The following DDI2 variants were observed in gnomAD, a reference collection of about 807,000 sequenced individuals.
DDI2 encodes protein DDI1 homolog 2.
A neutral mutation model predicts 48.1 loss-of-function variants in DDI2; 5 were observed. The ratio of observed to expected loss-of-function variants is 0.10; its 90% confidence interval spans 0.05 to 0.22. DDI2 has a LOEUF of 0.22. Ranked by LOEUF, DDI2 falls within the 10% of genes least tolerant of loss-of-function variation. The pLI, the probability that DDI2 is intolerant of heterozygous loss-of-function variation, is 1.00. For synonymous variants in DDI2, 205 were observed against 183.6 expected, an observed-to-expected ratio of 1.12 and a Z score of -0.94; for missense variants, 285 against 506.2, an observed-to-expected ratio of 0.56 and a Z score of 4.19.
intron 9 of DDI2, among the ~76,000 whole-genome samples, chr1:15,658,694 C>T (rs1013151962): frequency 2.0e-5 from 3 of 150,674 alleles, no homozygotes; most frequent in Non-Finnish European, 4.4e-5. Context: ...GCGGAGGTTG[C>T]GGTGAGCTCA....
At chr1:15,632,175 A>C (rs1366193410) in intron 3 of DDI2, among the ~76,000 whole-genome samples, 1 of 152,198 alleles carries the variant, frequency 6.6e-6, no homozygotes, top group Non-Finnish European at 1.5e-5. Flanking sequence ...AGTTCAGATA[A>C]CCATTGTCAT....
chr1:15,651,130 G>A (rs1162246153), intron 7 of DDI2, among the ~76,000 whole-genome samples: 1 of 152,180 alleles, frequency 6.6e-6, no homozygotes, highest in African/African-American at 2.4e-5. Context: ...CGGGATTACA[G>A]GCGTGAGCCA....
chr1:15,643,976 G>A (rs1406370347), intron 6 of DDI2, among the ~76,000 whole-genome samples: 1 of 152,112 alleles, frequency 6.6e-6, no homozygotes, highest in Admixed American at 6.5e-5. Context: ...TTATTTTGCT[G>A]TTTACTCATA....
intron 9 of DDI2, among the ~76,000 whole-genome samples, chr1:15,659,340 A>G (rs972219459): frequency 5.9e-5 from 9 of 152,252 alleles, no homozygotes; most frequent in Non-Finnish European, 1.2e-4. Flanking sequence ...AAAGATTCTC[A>G]GGATTTGTAA....
At chr1:15,644,263 A>G (rs933581075) in intron 6 of DDI2, among the ~76,000 whole-genome samples, 5 of 152,314 alleles carry the variant, frequency 3.3e-5, no homozygotes, top group Admixed American at 2.0e-4. Context: ...ACTGAGTCCT[A>G]CAGATTCCTT....
chr1:15,647,331 A>G (rs1640107991), intron 6 of DDI2, among the ~76,000 whole-genome samples: 2 of 151,944 alleles, frequency 1.3e-5, no homozygotes, highest in South Asian at 2.1e-4. Context: ...GATTTTTAGT[A>G]GAGACAGGGT....
At chr1:15,641,573 C>T (rs942886979) in intron 5 of DDI2, among the ~76,000 whole-genome samples, 2 of 152,050 alleles carry the variant, frequency 1.3e-5, no homozygotes, top group African/African-American at 4.8e-5. Context: ...CTTTAAATTA[C>T]GCATCCACGG....
chr1:15,628,454 T>G (rs1217669949), intron 2 of DDI2, among the ~76,000 whole-genome samples: 1 of 152,212 alleles, frequency 6.6e-6, no homozygotes, highest in East Asian at 1.9e-4. Context: ...AGTTTGTTTG[T>G]TTTTTGATTT....
In DDI2 at chr1:15,651,846, T is replaced by C. The variant is rs775420935; in HGVS notation, c.1134T>C (p.Ile378=). The stretch of plus-strand genomic sequence containing the variant: ...GAGAGGATGTACGGCCAGAGGAGAT[T>C]GCAGACCAAGAATTAGCAGAAGCCC... ...AGREDVRPEE[I]ADQELAEALQ... is the part of the protein sequence containing the mutation. The change falls in exon 8 of 10, where the codon ATT becomes ATC. Residue 378 remains isoleucine (I), a synonymous_variant. Transcript: ENST00000480945. The C allele has an allele frequency of 6.2e-7, 1 of 1,613,808 alleles. No individual in the cohort carries two copies. The highest frequency in any genetic ancestry group is 1.3e-5 in the African/African-American group (1 of 74,974).
chr1:15,633,031 C>T (rs1269597167), intron 3 of DDI2, among the ~76,000 whole-genome samples: 1 of 151,444 alleles, frequency 6.6e-6, no homozygotes, highest in Admixed American at 6.6e-5. Context: ...AGGCCATCCC[C>T]CCACCCTTGA....
At chr1:15,623,694 A>G (rs1639706922) in intron 1 of DDI2, among the ~76,000 whole-genome samples, 1 of 151,862 alleles carries the variant, frequency 6.6e-6, no homozygotes, top group African/African-American at 2.4e-5. Context: ...GAGCCATGGC[A>G]CCCAGCCTGC....
In DDI2 at chr1:15,661,361, C is replaced by T. The variant is rs565993119; in HGVS notation, c.*1571C>T. ...GTAGAAATTTCACCCAAACTTTTAG[C>T]AGGTGAGGAGGATGCACTCAATCAG... On this transcript the variant is annotated 3_prime_UTR_variant, in exon 10 of 10. Transcript: ENST00000480945. The T allele has an allele frequency of 6.2e-7, 1 of 1,614,072 alleles. No homozygotes were observed. The highest frequency in any genetic ancestry group is 1.1e-5 in the South Asian group (1 of 91,060).
intron 9 of DDI2, among the ~76,000 whole-genome samples, chr1:15,658,295 A>G (rs954447314): frequency 1.3e-5 from 2 of 151,684 alleles, no homozygotes; most frequent in Admixed American, 1.3e-4. Flanking sequence ...GATTACAGGC[A>G]CCCACCACCA....
At chr1:15,637,150 G>A (rs555253077) in intron 4 of DDI2, among the ~76,000 whole-genome samples, 17 of 152,356 alleles carry the variant, frequency 1.1e-4, no homozygotes, top group African/African-American at 4.1e-4. Context: ...AGATGTTGGA[G>A]TAAGCAAGAA....
Position 15,660,986 on chromosome 1 carries a change from A to G in DDI2, c.*1196A>G, listed in dbSNP as rs1640364999. The G allele has an allele frequency of 6.2e-7, 1 of 1,613,970 alleles. No homozygotes were observed. Reference sequence around the variant, plus strand: ...GTTAGCAGTAAACCAGCTTCAGAAAATACATCTGAAGAAGTAATCTGTCAA... The same window carrying G: ...GTTAGCAGTAAACCAGCTTCAGAAAGTACATCTGAAGAAGTAATCTGTCAA... On this transcript the variant is annotated 3_prime_UTR_variant, in exon 10 of 10. Coordinates refer to ENST00000480945, the MANE Select transcript of DDI2 (RefSeq NM_032341.5).
rs1640149716 is a variant in DDI2, at chr1:15,649,763, T to A, written c.933T>A (p.Ser311=). ...GAGATTTTTTGCCATGTTCCTTCTC[T>A]ATACTTGAGGAACAGCCCATGGACA... The part of the protein sequence containing the change: ...IEGDFLPCSF[S]ILEEQPMDML... Residue 311 remains serine, a synonymous_variant, in exon 7 of 10, where the codon TCT becomes TCA. Transcript: ENST00000480945. 1 of 1,613,770 alleles carries A rather than the reference T, an allele frequency of 6.2e-7. No homozygotes were observed. Among genetic ancestry groups the A allele is most frequent in the African/African-American group, 1.3e-5 (1 of 74,920 alleles).
intron 6 of DDI2, among the ~76,000 whole-genome samples, chr1:15,648,530 G>A (rs1268210357): frequency 6.6e-6 from 1 of 152,042 alleles, no homozygotes; most frequent in African/African-American, 2.4e-5. Flanking sequence ...TGTGAGAATG[G>A]GCAAAATACT....
intron 9 of DDI2, among the ~76,000 whole-genome samples, 173 bp from the exon 10 acceptor site, chr1:15,659,664 A>C (rs1640328918): frequency 6.6e-6 from 1 of 152,234 alleles, no homozygotes; most frequent in Admixed American, 6.5e-5. Context: ...TGATGCTGTG[A>C]ATGTCTACCA....
At chr1:15,641,621 G>T (rs1030798114) in intron 5 of DDI2, among the ~76,000 whole-genome samples, 1 of 151,984 alleles carries the variant, frequency 6.6e-6, no homozygotes, top group African/African-American at 2.4e-5. Flanking sequence ...CTTTTGCAAG[G>T]GAATGGCAGT....
Sources: gnomAD v4.1 joint callset for allele counts (sites outside exome capture counted in the v4.1 genomes callset) on GRCh38, gnomAD v4.1.1 for gene constraint, MANE v1.5 for transcripts, NCBI Gene and HGNC (gene_info 2026-07-23, HGNC 2026-07-21) for gene names.